Variants in POMT1 observed in about 807,000 individuals in gnomAD.
POMT1 encodes protein O-mannosyltransferase 1.
In POMT1, 85 loss-of-function variants were observed where a neutral mutation model predicts 101.6. That is an observed-to-expected ratio of 0.84 (90% CI 0.70 to 1.00). The LOEUF (loss-of-function observed/expected upper bound fraction) is 1.00, where lower values mean the gene tolerates loss of function less well. Among genes scored for constraint, POMT1 ranks in the 50% least tolerant of loss-of-function variants. The pLI is 0.00. For missense variants in POMT1, 857 were observed against 930.4 expected (o/e 0.92, Z 1.03); for synonymous variants, 371 against 383.0 (o/e 0.97, Z 0.37).
At position 131,519,999 on chromosome 9, in the gene POMT1, C is replaced by A; in HGVS notation, c.1585-81C>A. 9.6e-7 allele frequency: 1 copy of A among 1,039,556 alleles called. No individual in the cohort carries two copies. Among genetic ancestry groups the A allele is most frequent in the Non-Finnish European group, 1.5e-6 (1 of 675,408 alleles). 64.4% of individuals were successfully genotyped at this position (1,039,556 alleles called of 1,614,324 possible). A position where few individuals can be genotyped will look rare whatever the true frequency, so the allele number is the denominator to read the frequency against. ...GGGCCAGTCCACGTGCAAGGGGCAG[C>A]AGTGTACTCCTTTGACCAAATCCAC... On this transcript the variant is annotated intron_variant, in intron 16 of 19. Coordinates refer to ENST00000402686, the MANE Select transcript of POMT1 (RefSeq NM_001077365.2). This position sits in a 1 kb window ranked among gnomAD's most constrained non-coding sequence, Gnocchi z 4.3.
At position 131,518,524 on chromosome 9, in the gene POMT1, C is replaced by T. The variant is rs890463115; in HGVS notation, c.1352C>T (p.Ser451Phe). 6.2e-6 allele frequency: 10 copies of T among 1,613,594 alleles called. No homozygotes were observed. Among genetic ancestry groups the T allele is most frequent in the Non-Finnish European group, 8.5e-6 (10 of 1,179,714 alleles). ...SEVRFVHVNT[S>F]AVLKLSGAHL... ...GTCCGCTTTGTGCACGTGAACACTT[C>T]CGCTGTCTTAAAGGTAAGGACACTG... Residue 451 changes from serine (S) to phenylalanine (F), a missense_variant, in exon 14 of 20, where the codon TCC (serine) becomes TTC (phenylalanine). Transcript: ENST00000402686.
chr9:131,514,546 G>A (rs1466704186), intron 12 of POMT1, among the ~76,000 whole-genome samples: 1 of 152,250 alleles, frequency 6.6e-6, no homozygotes, highest in Non-Finnish European at 1.5e-5. Context: ...CATGATGGCT[G>A]TTTCCCAGAG....
intron 2 of POMT1, 93 bp from the exon 3 acceptor site, chr9:131,506,021 C>T: frequency 1.3e-6 from 2 of 1,549,018 alleles, no homozygotes; most frequent in Admixed American, 3.5e-5. Flanking sequence ...CACTCAAAGT[C>T]ATTTGGAAAC....
At chr9:131,520,819 C>T (rs1949769656) in intron 17 of POMT1, among the ~76,000 whole-genome samples, 1 of 151,986 alleles carries the variant, frequency 6.6e-6, no homozygotes, top group Admixed American at 6.6e-5. Flanking sequence ...AAATTGAGAG[C>T]ATCAGTGCTG....
intron 11 of POMT1, 151 bp downstream of exon 11, chr9:131,512,287 A>G (rs1461188705): frequency 7.0e-6 from 10 of 1,420,720 alleles, no homozygotes; most frequent in Non-Finnish European, 8.6e-6. Flanking sequence ...TGCTGAGTCC[A>G]AGGTCAGAGG....
Position 131,510,081 on chromosome 9 carries a change from C to T in POMT1, c.699+85C>T, listed in dbSNP as rs369000699. 5.6e-6 allele frequency: 9 copies of T among 1,614,036 alleles called. No homozygotes were observed. In the Middle Eastern group the frequency reaches 1.5e-3, roughly 266 times the overall value. ...ACAGGGGGTACTTGGTGAAAAGACT[C>T]CAATCCTCAATGTTTTAGAAGCAGG... On this transcript the variant is annotated intron_variant, in intron 8 of 19. Coordinates refer to ENST00000402686, the MANE Select transcript of POMT1 (RefSeq NM_001077365.2).
At chr9:131,512,725 C>T (rs1369928029) in intron 11 of POMT1, among the ~76,000 whole-genome samples, 2 of 152,150 alleles carry the variant, frequency 1.3e-5, no homozygotes, top group South Asian at 4.1e-4. Flanking sequence ...GATTCTCCTG[C>T]CTCAGCCTCC....
At position 131,522,873 on chromosome 9, in the gene POMT1, C is replaced by T. The variant is rs1390143500; in HGVS notation, c.2004-59C>T. The T allele has an allele frequency of 4.0e-6, 6 of 1,499,936 alleles. No individual in the cohort carries two copies. The African/African-American group carries it at 6.9e-5, about 17-fold the overall frequency. 92.9% of individuals were successfully genotyped at this position (1,499,936 alleles called of 1,614,324 possible). A position where few individuals can be genotyped will look rare whatever the true frequency, so the allele number is the denominator to read the frequency against. ...GTGGACAGCAGATGCCAAGAGGGTGCCGGGCAGGGAAGCCGCAGTGGTCAG... is the reference window on the plus strand; with the variant it reads ...GTGGACAGCAGATGCCAAGAGGGTGTCGGGCAGGGAAGCCGCAGTGGTCAG... On this transcript the variant is annotated intron_variant, in intron 19 of 19. Transcript: ENST00000402686. This position sits in a 1 kb window ranked among gnomAD's most constrained non-coding sequence, Gnocchi z 5.5.
chr9:131,509,036 A>AGT lies in POMT1; in HGVS notation c.539+17_539+18dup. 1 of 1,551,298 alleles carries AGT rather than the reference A, an allele frequency of 6.4e-7. No homozygotes were observed. Among genetic ancestry groups the AGT allele is most frequent in the Non-Finnish European group, 8.9e-7 (1 of 1,123,374 alleles). On this transcript the variant is annotated intron_variant, in intron 6 of 19. Coordinates refer to ENST00000402686, the MANE Select transcript of POMT1 (RefSeq NM_001077365.2). ...CCAAAAGCACAGGTATGGAAAATGG[A>AGT]GTGTCTTCCTAGTTAACGAGAACAG...
At position 131,519,336 on chromosome 9, in the gene POMT1, A is replaced by G; in HGVS notation, c.1487-53A>G. Reference sequence around the variant, plus strand: ...TGCTGCACTGACAGCTTCTGCTCTGAGCTCTTGACCTTGTGCTACTTCTAT... The same window carrying G: ...TGCTGCACTGACAGCTTCTGCTCTGGGCTCTTGACCTTGTGCTACTTCTAT... On this transcript the variant is annotated intron_variant, in intron 15 of 19. Transcript: ENST00000402686. The surrounding 1 kb of genome is among the most constrained non-coding windows in gnomAD (Gnocchi z 4.3). The G allele has an allele frequency of 1.3e-6, 2 of 1,517,016 alleles. No individual in the cohort carries two copies. Among genetic ancestry groups the G allele is most frequent in the Non-Finnish European group, 1.8e-6 (2 of 1,117,550 alleles). 94.0% of individuals were successfully genotyped at this position (1,517,016 alleles called of 1,614,324 possible).
At chr9:131,511,156 A>T in intron 9 of POMT1, 181 bp from the exon 10 acceptor site, 1 of 681,080 alleles carries the variant, frequency 1.5e-6, no homozygotes, top group Non-Finnish European at 2.4e-6. Context: ...GATCAGACTT[A>T]GTGCTCATTA....
Position 131,507,417 on chromosome 9 carries a change from C to G in POMT1, c.330C>G (p.Leu110=), listed in dbSNP as rs138064523. Residue 110 remains leucine (L), a synonymous_variant, in exon 5 of 20, where the codon CTC becomes CTG. Transcript: ENST00000402686. ...GGTCCCTGCGCCTGCTGCCAGCACT[C>G]GCGGGGGCCTTGTCGGTCCCCATGG... The part of the protein sequence containing the change: ...PVWSLRLLPA[L]AGALSVPMAY... 471 of 1,614,200 alleles carry G rather than the reference C, an allele frequency of 2.9e-4. 2 individuals carry two copies. The Middle Eastern group carries it at 3.1e-3, about 11-fold the overall frequency.
At chr9:131,510,999 C>T in intron 9 of POMT1, 1 of 275,818 alleles carries the variant, frequency 3.6e-6, no homozygotes. Flanking sequence ...CTGTGTGTTT[C>T]AGCAAGTTGT....
At chr9:131,510,977 A>AT in intron 9 of POMT1, 1 of 263,354 alleles carries the variant, frequency 3.8e-6, no homozygotes, top group Non-Finnish European at 7.4e-6. Flanking sequence ...GCCGACGGCC[A>AT]GTGCTGTAGT....
In POMT1 at chr9:131,522,432, G is replaced by T; in HGVS notation, c.2003+208G>T. ...CCAGAGGGAGAAGTCGCGGCTGACA[G>T]AGATGAAAGCGGAGTGGGTGGGGAG... On this transcript the variant is annotated intron_variant, in intron 19 of 19. Coordinates refer to ENST00000402686, the MANE Select transcript of POMT1 (RefSeq NM_001077365.2). The surrounding 1 kb of genome is among the most constrained non-coding windows in gnomAD (Gnocchi z 5.5). The T allele has an allele frequency of 9.4e-7, 1 of 1,063,668 alleles. No homozygotes were observed. The highest frequency in any genetic ancestry group is 1.6e-5 in the South Asian group (1 of 61,654). 65.9% of individuals were successfully genotyped at this position (1,063,668 alleles called of 1,614,324 possible).
chr9:131,508,805 C>A (rs1460439465), intron 5 of POMT1, 106 bp from the exon 6 acceptor site: 4 of 781,818 alleles, frequency 5.1e-6, no homozygotes, highest in Non-Finnish European at 9.0e-6. Context: ...CAGCCCCACA[C>A]AGTTGTATCG....
At position 131,510,197 on chromosome 9, in the gene POMT1, T is replaced by C. The variant is rs868535086; in HGVS notation, c.700-63T>C. On this transcript the variant is annotated intron_variant, in intron 8 of 19. Coordinates refer to ENST00000402686, the MANE Select transcript of POMT1 (RefSeq NM_001077365.2). ...TCACTAACTTTTTCTAAGCTCACAA[T>C]GTCTAGAGGTGGGTACGCTTTTCCA... 8 of 1,612,258 alleles carry C rather than the reference T, an allele frequency of 5.0e-6. No individual in the cohort carries two copies. In the Middle Eastern group the frequency reaches 6.6e-4, roughly 133 times the overall value.
chr9:131,507,535 T>G (rs1323254541), intron 5 of POMT1, 21 bp downstream of exon 5: 10 of 1,613,554 alleles, frequency 6.2e-6, no homozygotes, highest in Non-Finnish European at 8.5e-6. Flanking sequence ...CGCCCCTGCC[T>G]GCTCTTGCTG....
intron 1 of POMT1, 56 bp from the exon 2 acceptor site, chr9:131,504,133 C>T: frequency 1.2e-6 from 2 of 1,604,322 alleles, no homozygotes; most frequent in Non-Finnish European, 1.7e-6. Flanking sequence ...GCTGGGGATC[C>T]CTTCTGTAGC....
Sources: gnomAD v4.1 joint callset for allele counts (sites outside exome capture counted in the v4.1 genomes callset) on GRCh38, gnomAD v4.1.1 for gene constraint, Gnocchi (gnomAD v3.1) non-coding constraint, MANE v1.5 for transcripts, NCBI Gene and HGNC (gene_info 2026-07-23, HGNC 2026-07-21) for gene names.